Variants in EPHA4 observed in about 807,000 individuals in gnomAD.
The protein encoded by EPHA4 is ephrin type-A receptor 4.
A neutral mutation model predicts 108.3 loss-of-function variants in EPHA4; 19 were observed. The ratio of observed to expected loss-of-function variants is 0.18; its 90% CI spans 0.12 to 0.26. The LOEUF is 0.26. Among genes scored for constraint, EPHA4 ranks in the 10% least tolerant of loss-of-function variants. The pLI is 1.00. For synonymous variants in EPHA4, 449 were observed against 455.5 expected (o/e 0.99, Z 0.18); for missense variants, 917 against 1,254.0 (o/e 0.73, Z 4.06).
At chr2:221,570,590 G>C (rs1694801899) in intron 1 of EPHA4, among the ~76,000 whole-genome samples, 1 of 152,322 alleles carries the variant, frequency 6.6e-6, no homozygotes, top group South Asian at 2.1e-4. Context: ...ATGTCTGTGG[G>C]CAGGTGTATA....
intron 17 of EPHA4, among the ~76,000 whole-genome samples, chr2:221,423,515 T>C (rs1260758435): frequency 6.6e-6 from 1 of 152,208 alleles, no homozygotes; most frequent in Non-Finnish European, 1.5e-5. Flanking sequence ...TATATGCATA[T>C]GTTGAAATTT....
intron 1 of EPHA4, among the ~76,000 whole-genome samples, 186 bp from the exon 2 acceptor site, chr2:221,568,971 T>C (rs1222188588): frequency 6.6e-6 from 1 of 152,232 alleles, no homozygotes; most frequent in African/African-American, 2.4e-5. Flanking sequence ...TCTTTAAATC[T>C]GCAGGTTCTT....
chr2:221,533,430 C>T (rs143426435), intron 3 of EPHA4, among the ~76,000 whole-genome samples: 59 of 152,048 alleles, frequency 3.9e-4, no homozygotes, highest in Non-Finnish European at 7.1e-4. Context: ...GATGCAGATG[C>T]GCTATTCACT....
At chr2:221,543,028 C>A (rs566441345) in intron 3 of EPHA4, among the ~76,000 whole-genome samples, 1 of 152,200 alleles carries the variant, frequency 6.6e-6, no homozygotes, top group African/African-American at 2.4e-5. Flanking sequence ...TGCTCTTTCT[C>A]GTTATGTTTG....
chr2:221,506,490 G>A (rs1559270996), intron 3 of EPHA4, among the ~76,000 whole-genome samples: 1 of 152,174 alleles, frequency 6.6e-6, no homozygotes, highest in Non-Finnish European at 1.5e-5. Context: ...CCCAAGGCAG[G>A]GTGGATTTTC....
In EPHA4 at chr2:221,436,432, A is replaced by C. The variant is rs1270695253; in HGVS notation, c.2313T>G (p.Leu771=). 8.7e-6 allele frequency: 14 copies of C among 1,614,008 alleles called. No individual in the cohort carries two copies. In the South Asian group the frequency reaches 1.4e-4, roughly 16 times the overall value. ...TGTAAGCTGCTTCCGGATCATCCTC[A>C]AGCACTCGGGACATGCCAAAATCAG... is the stretch of plus-strand genomic sequence containing the variant. The part of the protein sequence containing the change: ...KVSDFGMSRV[L]EDDPEAAYTT... The change falls in exon 13 of 18, where the codon CTT becomes CTG. Residue 771 remains leucine (L), a synonymous_variant. Transcript: ENST00000281821.
rs71050343 is a variant in EPHA4 at position 221,566,969 on chromosome 2, G to GGAA, written c.159+1746_159+1748dup. On this transcript the variant is annotated intron_variant, in intron 2 of 17. Coordinates refer to ENST00000281821, the MANE Select transcript of EPHA4 (RefSeq NM_004438.5). ...GAGAAGGAGAAGGGGAAGAGGAAGA[G>GGAA]GAAGAAGAAGAAGAAGAAGAAGAAG... 6.5e-4 allele frequency among the ~76,000 whole-genome samples: 18 copies of GGAA among 27,644 alleles called. 4 individuals are homozygous for GGAA. The highest frequency in any genetic ancestry group is 1.4e-3 in the Admixed American group (3 of 2,122). 18.1% of individuals were successfully genotyped at this position (27,644 alleles called of 152,430 possible).
At chr2:221,518,273 T>C (rs1693048932) in intron 3 of EPHA4, among the ~76,000 whole-genome samples, 1 of 152,132 alleles carries the variant, frequency 6.6e-6, no homozygotes, top group Admixed American at 6.5e-5. Flanking sequence ...ACCTCCAGCT[T>C]GTAAGAAACA....
At position 221,564,192 on chromosome 2, in the gene EPHA4, G is replaced by A. The variant is rs1694556067; in HGVS notation, c.362C>T (p.Thr121Met). The change falls in exon 3 of 18, where the codon ACG (threonine) becomes ATG (methionine). Residue 121 changes from threonine to methionine, a missense_variant. Physicochemically the swap from Thr to Met is moderately conservative, Grantham distance 81. Transcript: ENST00000281821. ...TGATTCATAGTAGTACAGGTTAAAC[G>A]TCTCCTTGCAAGTCCCCATGACGCC... Reference protein sequence around the residue: ...LPGVMGTCKETFNLYYYESDN... With the variant: ...LPGVMGTCKEMFNLYYYESDN... The A allele has an allele frequency of 6.2e-7, 1 of 1,614,098 alleles. No homozygotes were observed. Among genetic ancestry groups the A allele is most frequent in the Non-Finnish European group, 8.5e-7 (1 of 1,180,008 alleles).
chr2:221,505,391 C>T (rs745503059), intron 3 of EPHA4, among the ~76,000 whole-genome samples: 1 of 151,862 alleles, frequency 6.6e-6, no homozygotes, highest in Non-Finnish European at 1.5e-5. Flanking sequence ...AATGGTGTGG[C>T]CTCAGCTCAC....
chr2:221,517,722 A>T (rs576530866), intron 3 of EPHA4, among the ~76,000 whole-genome samples: 1 of 152,312 alleles, frequency 6.6e-6, no homozygotes, highest in South Asian at 2.1e-4. Flanking sequence ...TATCCTTCCA[A>T]ATGAGTCATG....
chr2:221,440,084 T>C (rs770399034), intron 11 of EPHA4, among the ~76,000 whole-genome samples: 9 of 152,164 alleles, frequency 5.9e-5, no homozygotes, highest in Non-Finnish European at 1.2e-4. Flanking sequence ...AAGGGGCTTA[T>C]AAAATAGGCC....
intron 3 of EPHA4, among the ~76,000 whole-genome samples, chr2:221,527,634 T>G (rs13386655): frequency 0.063 from 9,526 of 152,240 alleles, 666 homozygotes; most frequent in African/African-American, 0.16. Flanking sequence ...GGCAAGAGCG[T>G]GTGTCTGTGC....
intron 3 of EPHA4, among the ~76,000 whole-genome samples, chr2:221,540,188 G>A (rs747181749): frequency 1.3e-5 from 2 of 152,158 alleles, no homozygotes; most frequent in Non-Finnish European, 2.9e-5. Context: ...CCAAAATGCT[G>A]AGATTACAGG....
At chr2:221,449,115 C>T (rs1296150298) in intron 8 of EPHA4, among the ~76,000 whole-genome samples, 1 of 151,898 alleles carries the variant, frequency 6.6e-6, no homozygotes. Context: ...CTTAAGACTG[C>T]AGGAAATGGC....
At chr2:221,570,292 T>C (rs1205979143) in intron 1 of EPHA4, among the ~76,000 whole-genome samples, 1 of 149,604 alleles carries the variant, frequency 6.7e-6, no homozygotes, top group Non-Finnish European at 1.5e-5. Flanking sequence ...AGAGCCTTTT[T>C]GTCTTGGGCT....
rs142860268 is a variant in EPHA4, at chr2:221,429,970, G to A, written c.2678C>T (p.Thr893Met). ...RNPNSLKRTG[T>M]ESSRPNTALL... ...AAGCATGGCTGACCTGGAGCTCTCC[G>A]TCCCTGTCCTCTTCAAGCTGTTGGG... Residue 893 changes from threonine (T) to methionine (M), a missense_variant, in exon 15 of 18, where the codon ACG becomes ATG. Thr to Met is a moderately conservative substitution (Grantham distance 81, BLOSUM62 -1). Coordinates refer to ENST00000281821, the MANE Select transcript of EPHA4 (RefSeq NM_004438.5). The A allele has an allele frequency of 3.9e-5, 63 of 1,613,994 alleles. No individual in the cohort carries two copies. The Admixed American group carries it at 4.0e-4, about 10-fold the overall frequency.
chr2:221,474,492 G>A (rs951352277), intron 5 of EPHA4, among the ~76,000 whole-genome samples: 5 of 151,528 alleles, frequency 3.3e-5, no homozygotes, highest in East Asian at 1.9e-4. Context: ...AAGTAAACCA[G>A]GATCCCATGG....
At chr2:221,532,562 G>C (rs1693552189) in intron 3 of EPHA4, 1 of 152,256 alleles carries the variant, frequency 6.6e-6, no homozygotes, top group South Asian at 2.1e-4. Context: ...CACAAGGGCA[G>C]ATATTAACTT....
Sources: gnomAD v4.1 joint callset for allele counts (sites outside exome capture counted in the v4.1 genomes callset) on GRCh38, gnomAD v4.1.1 for gene constraint, MANE v1.5 for transcripts, NCBI Gene and HGNC (gene_info 2026-07-23, HGNC 2026-07-21) for gene names.